TOGARAM2: variants seen among roughly 807,000 people sequenced by gnomAD.
The protein encoded by TOGARAM2 is TOG array regulator of axonemal microtubules 2.
In TOGARAM2, 85 loss-of-function variants were observed where a neutral mutation model predicts 93.3. The ratio of observed to expected loss-of-function variants is 0.91; its 90% confidence interval spans 0.76 to 1.09. The LOEUF is 1.09. TOGARAM2 is among the 50% of genes least tolerant of loss of function. The probability of loss-of-function intolerance (pLI) is 0.00; values close to 1 mark genes in which losing one functional copy is unlikely to be tolerated. For missense variants in TOGARAM2, 1,277 were observed against 1,334.5 expected (o/e 0.96, Z 0.67); for synonymous variants, 593 against 552.8 (o/e 1.07, Z -1.02).
rs777043051 is a variant in TOGARAM2, at chr2:29,036,501, C to T, written c.2419-40C>T. On this transcript the variant is annotated intron_variant, in intron 17 of 19. Coordinates refer to ENST00000379558, the MANE Select transcript of TOGARAM2 (RefSeq NM_199280.4). ...CTGCACTGTGGGAGTCCTGCCCAGC[C>T]TGGGTTCCCATGGGCTCTTGGTTTC... The T allele has an allele frequency of 2.5e-6, 4 of 1,608,062 alleles. No homozygotes were observed. The African/African-American group carries it at 4.0e-5, about 16-fold the overall frequency.
chr2:28,999,282 T>C lies in TOGARAM2; in HGVS notation c.241T>C (p.Ser81Pro), dbSNP rs753406895. 6.2e-7 allele frequency: 1 copy of C among 1,613,798 alleles called. No individual in the cohort carries two copies. The highest frequency in any genetic ancestry group is 2.2e-5 in the East Asian group (1 of 44,862). Residue 81 changes from serine to proline, a missense_variant, in exon 4 of 20, where the codon TCC becomes CCC. By Grantham distance (74) the Ser-to-Pro change is moderately conservative (BLOSUM62 -1). Coordinates refer to ENST00000379558, the MANE Select transcript of TOGARAM2 (RefSeq NM_199280.4). ...GGGTGGCCTCAAGCTGGACACCCCT[T>C]CCAAGGGCTGGCAGGCAAGGAATGG... is the stretch of plus-strand genomic sequence containing the variant. ...QLGGLKLDTP[S>P]KGWQARNGHP...
At chr2:29,005,507 T>TGTG (rs1553338983) in intron 6 of TOGARAM2, among the ~76,000 whole-genome samples, 9 of 136,888 alleles carry the variant, frequency 6.6e-5, no homozygotes, top group African/African-American at 1.8e-4. Context: ...GTGCATGTGT[T>TGTG]TGTGTAACTA....
intron 11 of TOGARAM2, 109 bp from the exon 12 acceptor site, chr2:29,022,977 C>T (rs536436915): frequency 2.7e-5 from 23 of 858,340 alleles, no homozygotes; most frequent in Middle Eastern, 2.3e-4. Flanking sequence ...CACCCTGCTG[C>T]GGGTGACGGT....
intron 1 of TOGARAM2, among the ~76,000 whole-genome samples, chr2:28,973,833 C>T (rs1485555996): frequency 1.3e-5 from 2 of 152,110 alleles, no homozygotes; most frequent in South Asian, 2.1e-4. Flanking sequence ...CTGACCTGCC[C>T]TTAGCCATTC....
At chr2:28,990,991 GGTGTGTGTGTGTGTGTGTGTGT>G (rs70958233) in intron 1 of TOGARAM2, among the ~76,000 whole-genome samples, 3 of 119,812 alleles carry the variant, frequency 2.5e-5, no homozygotes, top group Admixed American at 8.6e-5. Context: ...GTGTGTGAAG[GGTGTGTGTGTGTGTGTGTGTGT>G]GTGTGTGTGT....
At chr2:29,040,617 G>A (rs7575676) in intron 18 of TOGARAM2, among the ~76,000 whole-genome samples, 39,683 of 152,054 alleles carry the variant, frequency 0.26, 5,561 homozygotes, top group East Asian at 0.51. Flanking sequence ...CTGAGCTCCC[G>A]ACCTTCCCTT....
chr2:28,969,227 A>G (rs1671911867), intron 1 of TOGARAM2, among the ~76,000 whole-genome samples: 1 of 152,098 alleles, frequency 6.6e-6, no homozygotes, highest in South Asian at 2.1e-4. Flanking sequence ...TCTCTGGGGG[A>G]TTGAAATTTG....
At position 29,017,114 on chromosome 2, in the gene TOGARAM2, G is replaced by A. The variant is rs748780120; in HGVS notation, c.1045-40G>A. Reference sequence around the variant, plus strand: ...GATGATTGAATGTTGATGATTGAATGAATGGGAGGTTAATAGAGTTTGCCT... The same window carrying A: ...GATGATTGAATGTTGATGATTGAATAAATGGGAGGTTAATAGAGTTTGCCT... On this transcript the variant is annotated intron_variant, in intron 8 of 19. Transcript: ENST00000379558. The A allele has an allele frequency of 1.9e-6, 3 of 1,596,002 alleles. No individual in the cohort carries two copies. In the Admixed American group the frequency reaches 5.2e-5, roughly 28 times the overall value.
rs1489518164 is a variant in TOGARAM2, at chr2:29,022,231, C to T, written c.1434C>T (p.Ala478=). ...WEEEEEMDLR[A]CKELRPFSNP... ...AAGAGGAGGAGATGGATCTTAGAGCCTGTAAGGAGTTGAGGCCTTTCTCGA... is the reference window on the plus strand; with the variant it reads ...AAGAGGAGGAGATGGATCTTAGAGCTTGTAAGGAGTTGAGGCCTTTCTCGA... The change falls in exon 11 of 20, where the codon GCC becomes GCT. Residue 478 remains alanine, a synonymous_variant. Transcript: ENST00000379558. 1 of 1,614,046 alleles carries T rather than the reference C, an allele frequency of 6.2e-7. No homozygotes were observed. Among genetic ancestry groups the T allele is most frequent in the African/African-American group, 1.3e-5 (1 of 75,064 alleles).
At chr2:29,039,839 T>C (rs1479926681) in intron 18 of TOGARAM2, among the ~76,000 whole-genome samples, 1 of 152,192 alleles carries the variant, frequency 6.6e-6, no homozygotes, top group African/African-American at 2.4e-5. Flanking sequence ...TGGGCTCTTA[T>C]TGGGTTAGTT....
At chr2:28,988,173 C>T (rs1372320606) in intron 1 of TOGARAM2, among the ~76,000 whole-genome samples, 1 of 152,220 alleles carries the variant, frequency 6.6e-6, no homozygotes, top group Non-Finnish European at 1.5e-5. Flanking sequence ...CAATTGAAAT[C>T]ACAAGGGTAG....
rs751076031 is a variant in TOGARAM2, at chr2:29,003,587, G to A, written c.735G>A (p.Thr245=). Residue 245 remains threonine (T), a synonymous_variant, in exon 6 of 20, where the codon ACG becomes ACA. Transcript: ENST00000379558. ...IVIPPIPKAR[T]VAATPSRVPG... is the part of the protein sequence containing the mutation. ...TCCCACCCATCCCAAAGGCCAGGAC[G>A]GTTGCAGCGACCCCCTCCCGTGTGC... is the stretch of plus-strand genomic sequence containing the variant. 2.5e-6 allele frequency: 4 copies of A among 1,595,648 alleles called. No homozygotes were observed. The highest frequency in any genetic ancestry group is 3.4e-6 in the Non-Finnish European group (4 of 1,171,814).
chr2:28,981,657 C>T (rs1406791277), intron 1 of TOGARAM2, 119 bp downstream of exon 1: 1 of 152,670 alleles, frequency 6.6e-6, no homozygotes, highest in Non-Finnish European at 1.5e-5. Flanking sequence ...AGCACAAACA[C>T]ACAGAGAAAG....
intron 19 of TOGARAM2, chr2:29,046,134 C>A (rs545035452): frequency 5.9e-5 from 9 of 152,612 alleles, no homozygotes; most frequent in Admixed American, 5.2e-4. Context: ...GGAGACGGGG[C>A]CTTAGCCTGA....
In TOGARAM2 at chr2:29,022,265, C is replaced by T; in HGVS notation, c.1468C>T (p.Leu490=). 1 of 1,614,046 alleles carries T rather than the reference C, an allele frequency of 6.2e-7. No homozygotes were observed. Among genetic ancestry groups the T allele is most frequent in the Non-Finnish European group, 8.5e-7 (1 of 1,179,898 alleles). Reference sequence around the variant, plus strand: ...GTTGAGGCCTTTCTCGAACCCGGAGCTGGGGCTGAGGGATGCACTCCAGTG... The same window carrying T: ...GTTGAGGCCTTTCTCGAACCCGGAGTTGGGGCTGAGGGATGCACTCCAGTG... The part of the protein sequence containing the change: ...KELRPFSNPE[L]GLRDALQCLN... Residue 490 remains leucine, a synonymous_variant, in exon 11 of 20, where the codon CTG becomes TTG. Coordinates refer to ENST00000379558, the MANE Select transcript of TOGARAM2 (RefSeq NM_199280.4).
upstream of TOGARAM2, chr2:28,981,177 T>G (rs4432406): frequency 0.16 from 25,110 of 152,326 alleles, 2,206 homozygotes; most frequent in South Asian, 0.24. Flanking sequence ...GGCCACTTGG[T>G]AGTGCCTGTG....
chr2:29,007,570 C>T (rs1262649632), intron 6 of TOGARAM2, among the ~76,000 whole-genome samples: 2 of 152,106 alleles, frequency 1.3e-5, no homozygotes, highest in Admixed American at 1.3e-4. Context: ...AGTGCCTAGC[C>T]AGTATCCTTG....
intron 14 of TOGARAM2, among the ~76,000 whole-genome samples, chr2:29,032,382 A>G (rs1665818596): frequency 6.6e-6 from 1 of 152,160 alleles, no homozygotes; most frequent in Non-Finnish European, 1.5e-5. Context: ...TTATCTGTTG[A>G]GCCCCAACGC....
At position 29,052,181 on chromosome 2, in the gene TOGARAM2, G is replaced by A. The variant is rs1288248804; in HGVS notation, c.*88G>A. 1 of 1,013,096 alleles carries A rather than the reference G, an allele frequency of 9.9e-7. No homozygotes were observed. The highest frequency in any genetic ancestry group is 2.3e-5 in the South Asian group (1 of 44,394). 62.8% of individuals were successfully genotyped at this position (1,013,096 alleles called of 1,614,324 possible). A position where few individuals can be genotyped will look rare whatever the true frequency, so the allele number is the denominator to read the frequency against. On this transcript the variant is annotated 3_prime_UTR_variant, in exon 20 of 20. Coordinates refer to ENST00000379558, the MANE Select transcript of TOGARAM2 (RefSeq NM_199280.4). Reference sequence around the variant, plus strand: ...TACTTTCCCCCTTAGAGTTCCAGATGTACATGGTATATTTTGAAGTAGAAA... The same window carrying A: ...TACTTTCCCCCTTAGAGTTCCAGATATACATGGTATATTTTGAAGTAGAAA...
Sources: gnomAD v4.1 joint callset for allele counts (sites outside exome capture counted in the v4.1 genomes callset) on GRCh38, gnomAD v4.1.1 for gene constraint, MANE v1.5 for transcripts, NCBI Gene and HGNC (gene_info 2026-07-23, HGNC 2026-07-21) for gene names.